ESRP1: variants seen among roughly 807,000 people sequenced by gnomAD.
ESRP1 encodes RNA-binding motif protein 35A.
A neutral mutation model predicts 81.7 loss-of-function variants in ESRP1; 33 were observed. The observed-to-expected ratio is 0.40, with a 90% CI of 0.31 to 0.54. The LOEUF is 0.54. Among genes scored for constraint, ESRP1 ranks in the 20% least tolerant of loss-of-function variants. The pLI is 0.41. For synonymous variants in ESRP1, 320 were observed against 303.3 expected, an observed-to-expected ratio of 1.06 and a Z score of -0.57; for missense variants, 672 against 833.1, an observed-to-expected ratio of 0.81 and a Z score of 2.38.
At chr8:94,645,667 T>A (rs1202627366) in intron 3 of ESRP1, among the ~76,000 whole-genome samples, 1 of 118,070 alleles carries the variant, frequency 8.5e-6, no homozygotes, top group Non-Finnish European at 2.0e-5. Flanking sequence ...AATAAGCCTT[T>A]TCAGTTAATC....
chr8:94,685,183 A>T (rs1809089197), intron 13 of ESRP1, among the ~76,000 whole-genome samples: 1 of 152,150 alleles, frequency 6.6e-6, no homozygotes. Flanking sequence ...ATGGAGGAAG[A>T]GTATTATAAG....
intron 15 of ESRP1, among the ~76,000 whole-genome samples, chr8:94,705,189 A>G (rs1810021879): frequency 2.3e-5 from 2 of 88,066 alleles, no homozygotes; most frequent in African/African-American, 4.5e-5. Context: ...TTTTTTTGAG[A>G]CAGAGTCTCC....
rs10652320 is a variant in ESRP1, at chr8:94,676,349, C to CAA, written c.1652-1839_1652-1838dup. 4.3e-3 allele frequency among the ~76,000 whole-genome samples: 522 copies of CAA among 120,510 alleles called. 6 individuals carry two copies. The highest frequency in any genetic ancestry group is 0.021 in the Middle Eastern group (5 of 236). The allele number at this position is 120,510 out of a possible 152,430, so 79.1% of individuals were successfully genotyped here. On this transcript the variant is annotated intron_variant, in intron 12 of 15. Coordinates refer to ENST00000433389, the MANE Select transcript of ESRP1 (RefSeq NM_017697.4). ...CCTGGGCGACAGTGAGACTCAGTCT[C>CAA]AAAAAAAAAAAAAAAAGCTATCCTT...
chr8:94,695,620 C>T (rs963212461), intron 14 of ESRP1, among the ~76,000 whole-genome samples: 3 of 148,854 alleles, frequency 2.0e-5, no homozygotes, highest in Admixed American at 1.3e-4. Context: ...GCGTTGGCAT[C>T]CCAAAGTGCT....
intron 12 of ESRP1, among the ~76,000 whole-genome samples, chr8:94,677,837 A>G (rs1808705858): frequency 6.6e-6 from 1 of 152,224 alleles, no homozygotes; most frequent in African/African-American, 2.4e-5. Context: ...AGTAGCCTCT[A>G]GTATGAAACT....
At chr8:94,698,412 G>A (rs952134274) in intron 15 of ESRP1, among the ~76,000 whole-genome samples, 1 of 152,148 alleles carries the variant, frequency 6.6e-6, no homozygotes, top group Non-Finnish European at 1.5e-5. Flanking sequence ...GTAGATTTGG[G>A]CATACGTTTA....
chr8:94,692,209 C>T (rs1335464032), intron 13 of ESRP1, among the ~76,000 whole-genome samples: 1 of 152,186 alleles, frequency 6.6e-6, no homozygotes, highest in East Asian at 1.9e-4. Flanking sequence ...TGCTATTCCT[C>T]ATGCTCCTAT....
At chr8:94,650,097 A>G (rs1035768958) in intron 4 of ESRP1, among the ~76,000 whole-genome samples, 5 of 152,278 alleles carry the variant, frequency 3.3e-5, no homozygotes, top group South Asian at 2.1e-4. Flanking sequence ...TGATGAGCCT[A>G]CATTGACATG....
intron 4 of ESRP1, among the ~76,000 whole-genome samples, chr8:94,659,982 A>C (rs1233666095): frequency 6.6e-6 from 1 of 152,228 alleles, no homozygotes; most frequent in Non-Finnish European, 1.5e-5. Context: ...AAAAGCTAGC[A>C]GAGATTGGTT....
At position 94,702,955 on chromosome 8, in the gene ESRP1, T is replaced by C. The variant is rs4443628; in HGVS notation, c.*36-2970T>C. Among the ~76,000 whole-genome samples the C allele has an allele frequency of 6.4e-3, 972 of 152,346 alleles. 3 individuals are homozygous for C. The highest frequency in any genetic ancestry group is 0.021 in the Middle Eastern group (6 of 292). On this transcript the variant is annotated intron_variant, in intron 15 of 15. Transcript: ENST00000433389. ...AAAGACTTCTTTGTATGTAATACTT[T>C]AATGACAGTGTATTACAAAATAAAA...
intron 4 of ESRP1, among the ~76,000 whole-genome samples, chr8:94,653,876 G>A (rs1190174509): frequency 6.6e-6 from 1 of 152,130 alleles, no homozygotes; most frequent in African/African-American, 2.4e-5. Flanking sequence ...GAGGTGGAAG[G>A]AATTATCTCT....
At chr8:94,653,572 A>G (rs933499641) in intron 4 of ESRP1, among the ~76,000 whole-genome samples, 1 of 152,068 alleles carries the variant, frequency 6.6e-6, no homozygotes, top group African/African-American at 2.4e-5. Context: ...TTGTTTTAAA[A>G]CCTTATGTAA....
At chr8:94,659,941 A>G (rs72676918) in intron 4 of ESRP1, among the ~76,000 whole-genome samples, 1 of 152,344 alleles carries the variant, frequency 6.6e-6, no homozygotes, top group Non-Finnish European at 1.5e-5. Flanking sequence ...CAATTCTATG[A>G]AGGCTGAGAG....
intron 1 of ESRP1, 118 bp from the exon 2 acceptor site, chr8:94,641,838 T>C: frequency 6.8e-7 from 1 of 1,476,370 alleles, no homozygotes; most frequent in Non-Finnish European, 9.0e-7. Context: ...AGAGCTTTGA[T>C]TCTGCGTCCG....
intron 10 of ESRP1, 116 bp from the exon 11 acceptor site, chr8:94,671,337 C>A: frequency 1.4e-6 from 1 of 729,800 alleles, no homozygotes; most frequent in Non-Finnish European, 2.2e-6. Context: ...TTTATTAGGT[C>A]TGGGGTGAGC....
chr8:94,667,166 C>T (rs573513524), intron 9 of ESRP1, among the ~76,000 whole-genome samples: 4 of 149,874 alleles, frequency 2.7e-5, no homozygotes, highest in Admixed American at 1.3e-4. Flanking sequence ...TGCAGTGAGC[C>T]GAGACCGTGC....
intron 11 of ESRP1, 130 bp downstream of exon 11, chr8:94,671,801 A>T: frequency 1.7e-6 from 1 of 589,514 alleles, no homozygotes; most frequent in East Asian, 3.2e-5. Flanking sequence ...AAATAAAATT[A>T]GTCTGAGATA....
chr8:94,698,193 C>T (rs1668423684), intron 15 of ESRP1, among the ~76,000 whole-genome samples: 2 of 152,316 alleles, frequency 1.3e-5, no homozygotes, highest in South Asian at 2.1e-4. Context: ...CAGGTACCGC[C>T]GTCCAGCTCC....
At chr8:94,695,914 G>C (rs1809588145) in intron 14 of ESRP1, among the ~76,000 whole-genome samples, 4 of 152,138 alleles carry the variant, frequency 2.6e-5, no homozygotes, top group African/African-American at 7.2e-5. Flanking sequence ...AATACAAAAA[G>C]TAGCCACGCA....
Sources: allele counts gnomAD v4.1 joint callset (sites outside exome capture counted in the v4.1 genomes callset), GRCh38; gene constraint gnomAD v4.1.1; transcripts MANE v1.5; gene names NCBI Gene and HGNC (gene_info 2026-07-23, HGNC 2026-07-21).